FGF14: variants seen among roughly 807,000 people sequenced by gnomAD.
The protein encoded by FGF14 is fibroblast growth factor homologous factor 4.
A neutral mutation model predicts 25.5 loss-of-function variants in FGF14; 5 were observed. The observed-to-expected ratio is 0.20, with a 90% confidence interval of 0.10 to 0.41. The LOEUF is 0.41. FGF14 is among the 10% of genes least tolerant of loss of function. The pLI is 1.00. For missense variants in FGF14, 222 were observed against 320.1 expected (o/e 0.69, Z 2.34); for synonymous variants, 138 against 118.3 (o/e 1.17, Z -1.08).
At chr13:101,834,674 G>A (rs539463995) in intron 3 of FGF14, among the ~76,000 whole-genome samples, 6 of 152,032 alleles carry the variant, frequency 3.9e-5, no homozygotes, top group African/African-American at 9.6e-5. Context: ...CTTCCTTTCC[G>A]TTACAGAACA....
intron 1 of FGF14, among the ~76,000 whole-genome samples, chr13:101,973,942 C>T (rs1337162625): frequency 6.6e-6 from 1 of 152,194 alleles, no homozygotes; most frequent in African/African-American, 2.4e-5. Context: ...TACCTGCTTC[C>T]TTAGATCTTC....
chr13:102,014,116 C>T (rs57177160), intron 1 of FGF14, among the ~76,000 whole-genome samples: 9,081 of 151,900 alleles, frequency 0.06, 518 homozygotes, highest in African/African-American at 0.15. Flanking sequence ...AATGATGAGG[C>T]CAAGACTTAA....
chr13:102,314,876 C>T (rs1033318652), intron 1 of FGF14, among the ~76,000 whole-genome samples: 3 of 151,238 alleles, frequency 2.0e-5, no homozygotes, highest in African/African-American at 7.3e-5. Flanking sequence ...TTATTGATCT[C>T]ACTTCTATTA....
At chr13:101,850,931 A>G (rs1366074166) in intron 3 of FGF14, among the ~76,000 whole-genome samples, 2 of 151,846 alleles carry the variant, frequency 1.3e-5, no homozygotes, top group Admixed American at 1.3e-4. Context: ...GGTGTTACAT[A>G]TCATTTATGA....
intron 1 of FGF14, among the ~76,000 whole-genome samples, chr13:102,320,702 G>A (rs2056211714): frequency 6.6e-6 from 1 of 152,126 alleles, no homozygotes; most frequent in African/African-American, 2.4e-5. Flanking sequence ...GAAGCACATG[G>A]AGATATAGCT....
intron 1 of FGF14, among the ~76,000 whole-genome samples, chr13:102,289,477 C>G (rs2054270043): frequency 6.6e-6 from 1 of 152,144 alleles, no homozygotes; most frequent in Non-Finnish European, 1.5e-5. Context: ...TGAAAAACAT[C>G]ATAGGCAATA....
intron 1 of FGF14, among the ~76,000 whole-genome samples, chr13:102,297,485 T>C (rs9554867): frequency 6.6e-6 from 1 of 152,272 alleles, no homozygotes; most frequent in East Asian, 1.9e-4. Flanking sequence ...GTAACATACT[T>C]ACATAAGAGG....
chr13:101,974,474 G>GC (rs2037803238), intron 1 of FGF14, among the ~76,000 whole-genome samples: 1 of 152,098 alleles, frequency 6.6e-6, no homozygotes, highest in Admixed American at 6.5e-5. Context: ...ATATAAACTA[G>GC]CTTTAATGAC....
chr13:102,194,495 T>C (rs2049264914), intron 1 of FGF14, among the ~76,000 whole-genome samples: 2 of 152,108 alleles, frequency 1.3e-5, no homozygotes, highest in Non-Finnish European at 2.9e-5. Context: ...ATTGGAAATT[T>C]TACTTGGCAG....
At chr13:101,868,988 T>C (rs1053376626) in intron 2 of FGF14, among the ~76,000 whole-genome samples, 160 bp from the exon 3 acceptor site, 1 of 152,170 alleles carries the variant, frequency 6.6e-6, no homozygotes, top group East Asian at 1.9e-4. Flanking sequence ...AAGTAAGAAG[T>C]TTCTGCTATG....
intron 1 of FGF14, among the ~76,000 whole-genome samples, chr13:102,088,406 G>A (rs1206219333): frequency 6.6e-6 from 1 of 152,154 alleles, no homozygotes; most frequent in Non-Finnish European, 1.5e-5. Flanking sequence ...CACATCACAT[G>A]TAACATGTAT....
At chr13:102,319,328 T>C (rs2056156087) in intron 1 of FGF14, among the ~76,000 whole-genome samples, 2 of 152,220 alleles carry the variant, frequency 1.3e-5, no homozygotes, top group African/African-American at 4.8e-5. Context: ...GGTTGGCAAC[T>C]GCACACCTGG....
intron 1 of FGF14, among the ~76,000 whole-genome samples, chr13:101,915,246 A>G (rs185718668): frequency 5.8e-4 from 88 of 152,320 alleles, no homozygotes; most frequent in African/African-American, 2.0e-3. Flanking sequence ...TTAAAAAAAA[A>G]GCATCAAAAC....
intron 1 of FGF14, among the ~76,000 whole-genome samples, chr13:102,077,250 G>GAT (rs2140177565): frequency 6.6e-6 from 1 of 152,116 alleles, no homozygotes; most frequent in East Asian, 1.9e-4. Context: ...TAACATTTTG[G>GAT]ATATAAAGCC....
chr13:102,049,519 T>C lies in FGF14; in HGVS notation c.209-174223A>G, dbSNP rs141917368. ...GGATTTCCAAAAGTCCAAATCATCA[T>C]TAAATAAACATTGTTTGCTTGCCTG... On this transcript the variant is annotated intron_variant, in intron 1 of 4. Transcript: ENST00000376131. 2.4e-4 allele frequency among the ~76,000 whole-genome samples: 36 copies of C among 152,312 alleles called. No individual in the cohort carries two copies. In the East Asian group the frequency reaches 6.4e-3, roughly 27 times the overall value.
At chr13:101,723,867 G>T (rs1433452120) in intron 4 of FGF14, among the ~76,000 whole-genome samples, 2 of 152,080 alleles carry the variant, frequency 1.3e-5, no homozygotes, top group Non-Finnish European at 2.9e-5. Context: ...AAATACAAGT[G>T]CATTAGAGCT....
chr13:101,847,531 C>A (rs1420535529), intron 3 of FGF14, among the ~76,000 whole-genome samples: 1 of 152,022 alleles, frequency 6.6e-6, no homozygotes, highest in African/African-American at 2.4e-5. Context: ...TGATCGTGTG[C>A]ATGTTTGTGA....
chr13:102,081,787 C>T (rs918719444), intron 1 of FGF14, among the ~76,000 whole-genome samples: 1 of 151,914 alleles, frequency 6.6e-6, no homozygotes, highest in Non-Finnish European at 1.5e-5. Context: ...TAAAATGCGC[C>T]AAAACTTTTA....
intron 1 of FGF14, among the ~76,000 whole-genome samples, chr13:101,981,778 C>T: frequency 6.6e-6 from 1 of 152,076 alleles, no homozygotes; most frequent in East Asian, 1.9e-4. Flanking sequence ...AGGAAGGCTC[C>T]ATGAAAGAAA....
Sources: allele counts gnomAD v4.1 joint callset (sites outside exome capture counted in the v4.1 genomes callset), GRCh38; gene constraint gnomAD v4.1.1; transcripts MANE v1.5; gene names NCBI Gene and HGNC (gene_info 2026-07-23, HGNC 2026-07-21).